HIVEP1: variants seen among roughly 807,000 people sequenced by gnomAD.
The protein encoded by HIVEP1 is zinc finger protein 40.
HIVEP1 carries 36 observed loss-of-function variants against 180.0 expected under a neutral mutation model. The ratio of observed to expected loss-of-function variants is 0.20; its 90% CI spans 0.15 to 0.26. The LOEUF (loss-of-function observed/expected upper bound fraction) is 0.26, where lower values mean the gene tolerates loss of function less well. Among genes scored for constraint, HIVEP1 ranks in the 10% least tolerant of loss-of-function variants. The pLI is 1.00. For missense variants in HIVEP1, 3,143 were observed against 3,268.7 expected, an observed-to-expected ratio of 0.96 and a Z score of 0.94; for synonymous variants, 1,239 against 1,239.0, an observed-to-expected ratio of 1.00 and a Z score of 0.00.
In HIVEP1 at chr6:12,163,769, C is replaced by A; in HGVS notation, c.7465C>A (p.Pro2489Thr). 6.2e-7 allele frequency: 1 copy of A among 1,614,142 alleles called. No individual in the cohort carries two copies. Among genetic ancestry groups the A allele is most frequent in the African/African-American group, 1.3e-5 (1 of 75,002 alleles). The change falls in exon 9 of 9, where the codon CCC becomes ACC. Residue 2489 changes from proline to threonine, a missense_variant. This residue lies in a region of HIVEP1 where 595 missense variants were observed against 602.2 expected (regional missense o/e 0.99). Coordinates refer to ENST00000379388, the MANE Select transcript of HIVEP1 (RefSeq NM_002114.4). ...NLSTPGLQSL[P>T]SLSMETVNIV... ...AAGTACCCCAGGCTTGCAGTCACTC[C>A]CCTCGTTAAGCATGGAAACCGTCAA...
chr6:12,077,468 C>T (rs1772444743), intron 2 of HIVEP1, among the ~76,000 whole-genome samples: 1 of 152,160 alleles, frequency 6.6e-6, no homozygotes, highest in Admixed American at 6.6e-5. Flanking sequence ...TGTCATAAGT[C>T]ATCTGCACTT....
At chr6:12,184,396 A>C in the HIVEP1 span, among the ~76,000 whole-genome samples, 1 of 152,240 alleles carries the variant, frequency 6.6e-6, no homozygotes, top group African/African-American at 2.4e-5. Context: ...TACCAATTAC[A>C]GTATCATCAC....
intron 2 of HIVEP1, among the ~76,000 whole-genome samples, chr6:12,035,241 T>C (rs56245276): frequency 0.034 from 5,242 of 152,338 alleles, 126 homozygotes; most frequent in Non-Finnish European, 0.05. Flanking sequence ...AGTCACAGAT[T>C]AATCTTTCTA....
intron 3 of HIVEP1, among the ~76,000 whole-genome samples, chr6:12,101,902 TAGGAA>T (rs929155040): frequency 5.6e-5 from 8 of 142,618 alleles, no homozygotes; most frequent in African/African-American, 2.1e-4. Context: ...AGTGAAAGGA[TAGGAA>T]AAGATGTATC....
chr6:12,025,260 A>T (rs1229171192), intron 2 of HIVEP1, among the ~76,000 whole-genome samples: 1 of 152,236 alleles, frequency 6.6e-6, no homozygotes, highest in East Asian at 1.9e-4. Context: ...TAACTTGCTA[A>T]GCATAGCACA....
At chr6:12,032,180 G>A (rs1163364556) in intron 2 of HIVEP1, among the ~76,000 whole-genome samples, 7 of 134,364 alleles carry the variant, frequency 5.2e-5, no homozygotes, top group Admixed American at 1.7e-4. Context: ...TTGCTCTGTC[G>A]CCCAGGCTGG....
At chr6:12,093,511 A>G (rs1243953578) in intron 3 of HIVEP1, among the ~76,000 whole-genome samples, 3 of 151,508 alleles carry the variant, frequency 2.0e-5, no homozygotes, top group Admixed American at 2.0e-4. Context: ...TTCACGTTTC[A>G]GATTAAAAAC....
chr6:12,051,583 C>A (rs1254161419), intron 2 of HIVEP1, among the ~76,000 whole-genome samples: 5 of 151,670 alleles, frequency 3.3e-5, no homozygotes, highest in Admixed American at 2.6e-4. Flanking sequence ...TTTATTATTT[C>A]ACCCTAATTA....
At position 12,135,856 on chromosome 6, in the gene HIVEP1, G is replaced by A. The variant is rs1051139541; in HGVS notation, c.6451G>A (p.Val2151Ile). The change falls in exon 7 of 9, where the codon GTA (valine) becomes ATA (isoleucine). Residue 2151 changes from valine (V) to isoleucine (I), a missense_variant. Physicochemically the swap from Val to Ile is conservative, Grantham distance 29. Coordinates refer to ENST00000379388, the MANE Select transcript of HIVEP1 (RefSeq NM_002114.4). ...SKKCVDLGVS[V>I]GLIDEQDTEE... ...GAAATGTGTGGATTTAGGCGTCTCA[G>A]TAGGTTTAATAGATGAACAGGATAC... is the stretch of plus-strand genomic sequence containing the variant. 1.2e-6 allele frequency: 2 copies of A among 1,611,520 alleles called. No individual in the cohort carries two copies. Among genetic ancestry groups the A allele is most frequent in the Non-Finnish European group, 1.7e-6 (2 of 1,177,922 alleles).
chr6:12,122,792 C>T lies in HIVEP1; in HGVS notation c.2997C>T (p.His999=), dbSNP rs1220165007. The T allele has an allele frequency of 1.2e-6, 2 of 1,613,102 alleles. No individual in the cohort carries two copies. Among genetic ancestry groups the T allele is most frequent in the African/African-American group, 1.3e-5 (1 of 74,780 alleles). Residue 999 remains histidine, a synonymous_variant, in exon 4 of 9, where the codon CAC becomes CAT. Coordinates refer to ENST00000379388, the MANE Select transcript of HIVEP1 (RefSeq NM_002114.4). ...KTKVAMREPE[H]SPVPGGLQPQ... ...AGGTAGCCATGAGAGAACCTGAGCA[C>T]AGCCCTGTGCCCGGCGGTCTGCAGC...
chr6:12,056,796 A>G (rs1371249969), intron 2 of HIVEP1, among the ~76,000 whole-genome samples: 1 of 151,466 alleles, frequency 6.6e-6, no homozygotes, highest in Non-Finnish European at 1.5e-5. Flanking sequence ...TATTTTAATC[A>G]TAACTTTTTG....
chr6:12,130,727 A>G (rs891272124), intron 5 of HIVEP1, 40 bp from the exon 6 acceptor site: 2 of 1,152,568 alleles, frequency 1.7e-6, no homozygotes, highest in Non-Finnish European at 2.5e-6. Flanking sequence ...TCAGAGGCAT[A>G]GTGTCCAATC....
chr6:12,021,746 A>G (rs944259161), intron 2 of HIVEP1, among the ~76,000 whole-genome samples: 1 of 151,926 alleles, frequency 6.6e-6, no homozygotes, highest in Non-Finnish European at 1.5e-5. Context: ...GCTCACTGCA[A>G]CCTCCGCCTC....
At position 12,054,893 on chromosome 6, in the gene HIVEP1, T is replaced by A. The variant is rs765941805; in HGVS notation, c.41-34291T>A. 2.6e-5 allele frequency among the ~76,000 whole-genome samples: 4 copies of A among 152,226 alleles called. No individual in the cohort carries two copies. The South Asian group carries it at 6.2e-4, about 24-fold the overall frequency. ...ACTTCTAAGGAAAAAATTATCTACA[T>A]GTTAAATACCCATTTTAGAAAGTTA... On this transcript the variant is annotated intron_variant, in intron 2 of 8. Transcript: ENST00000379388.
Position 12,148,460 on chromosome 6 carries a change from G to C in HIVEP1, c.6487+12568G>C, listed in dbSNP as rs139958648. Among the ~76,000 whole-genome samples the C allele has an allele frequency of 1.9e-3, 296 of 152,344 alleles. 1 individual carries two copies. Among genetic ancestry groups the C allele is most frequent in the African/African-American group, 6.8e-3 (283 of 41,590 alleles). On this transcript the variant is annotated intron_variant, in intron 7 of 8. Coordinates refer to ENST00000379388, the MANE Select transcript of HIVEP1 (RefSeq NM_002114.4). ...ATTCTCCATTTTCTTAGCCCAGTCA[G>C]TGAGGATAAGTGAAAACATTGTATC...
rs750925254 is a variant in HIVEP1, at chr6:12,120,480, A to G, written c.685A>G (p.Thr229Ala). ...IKTEKLRPNK[T>A]ARSPPKLKNS... Reference sequence around the variant, plus strand: ...GACAGAAAAACTGAGGCCAAATAAAACTGCACGTTCCCCTCCCAAATTAAA... The same window carrying G: ...GACAGAAAAACTGAGGCCAAATAAAGCTGCACGTTCCCCTCCCAAATTAAA... Residue 229 changes from threonine (T) to alanine (A), a missense_variant, in exon 4 of 9, where the codon ACT (threonine) becomes GCT (alanine). Physicochemically the swap from Thr to Ala is moderately conservative, Grantham distance 58 (BLOSUM62 0). Coordinates refer to ENST00000379388, the MANE Select transcript of HIVEP1 (RefSeq NM_002114.4). 1.9e-6 allele frequency: 3 copies of G among 1,614,018 alleles called. No individual in the cohort carries two copies. The highest frequency in any genetic ancestry group is 1.3e-5 in the African/African-American group (1 of 74,898).
intron 2 of HIVEP1, among the ~76,000 whole-genome samples, chr6:12,074,370 G>A (rs775944655): frequency 4.6e-5 from 7 of 151,990 alleles, no homozygotes; most frequent in South Asian, 2.1e-4. Context: ...TTATTTTTCC[G>A]TATGGCAAAA....
Position 12,064,149 on chromosome 6 carries a change from A to T in HIVEP1, c.41-25035A>T, listed in dbSNP as rs372631775. 3.9e-5 allele frequency among the ~76,000 whole-genome samples: 6 copies of T among 152,130 alleles called. No homozygotes were observed. In the East Asian group the frequency reaches 1.2e-3, roughly 29 times the overall value. On this transcript the variant is annotated intron_variant, in intron 2 of 8. Coordinates refer to ENST00000379388, the MANE Select transcript of HIVEP1 (RefSeq NM_002114.4). Reference sequence around the variant, plus strand: ...TAAATAATTCATTGGACACCAAATAAATTTTTTTTAATGTATTGTGACTCA... The same window carrying T: ...TAAATAATTCATTGGACACCAAATATATTTTTTTTAATGTATTGTGACTCA...
At position 12,121,492 on chromosome 6, in the gene HIVEP1, A is replaced by T. The variant is rs748982523; in HGVS notation, c.1697A>T (p.His566Leu). 6.2e-7 allele frequency: 1 copy of T among 1,614,202 alleles called. No homozygotes were observed. The highest frequency in any genetic ancestry group is 8.5e-7 in the Non-Finnish European group (1 of 1,180,038). Residue 566 changes from histidine to leucine, a missense_variant, in exon 4 of 9, where the codon CAC becomes CTC. By Grantham distance (99) the His-to-Leu change is moderately conservative. Transcript: ENST00000379388. The surrounding 1 kb of genome is among the most constrained non-coding windows in gnomAD (Gnocchi z 5.3). ...ACAGAGTTACCGAAAGTTGTGGTCC[A>T]CCATGTCACTGTGTCCCCCTTAAGA... ...AVTELPKVVV[H>L]HVTVSPLRTD...
Sources: gnomAD v4.1 joint callset for allele counts (sites outside exome capture counted in the v4.1 genomes callset) on GRCh38, gnomAD v4.1.1 for gene constraint, gnomAD v4.1.1 regional missense constraint, Gnocchi (gnomAD v3.1) non-coding constraint, MANE v1.5 for transcripts, NCBI Gene and HGNC (gene_info 2026-07-23, HGNC 2026-07-21) for gene names.